ERICH3: variants seen among roughly 807,000 people sequenced by gnomAD.
ERICH3 encodes glutamate-rich protein 3.
A neutral mutation model predicts 131.1 loss-of-function variants in ERICH3; 126 were observed. That is an observed-to-expected ratio of 0.96 (90% CI 0.83 to 1.11). The LOEUF (loss-of-function observed/expected upper bound fraction) is 1.11, where lower values mean the gene tolerates loss of function less well. ERICH3 is among the 50% of genes most tolerant of loss of function. ERICH3 has a pLI of 0.00. For missense variants in ERICH3, 2,050 were observed against 1,810.7 expected, an observed-to-expected ratio of 1.13 and a Z score of -2.40; for synonymous variants, 695 against 644.6, an observed-to-expected ratio of 1.08 and a Z score of -1.18.
chr1:74,628,276 C>A (rs1003700658), intron 7 of ERICH3, among the ~76,000 whole-genome samples: 3 of 152,110 alleles, frequency 2.0e-5, no homozygotes, highest in Admixed American at 6.6e-5. Flanking sequence ...TGGGACTCAA[C>A]AAAGTTTCAC....
chr1:74,585,601 T>C (rs962266122), intron 12 of ERICH3, among the ~76,000 whole-genome samples: 1 of 152,168 alleles, frequency 6.6e-6, no homozygotes, highest in Admixed American at 6.5e-5. Context: ...ACAGATTTAT[T>C]TGTAACATAG....
rs1646763781 is a variant in ERICH3, at chr1:74,673,742, A to G, written c.-223T>C. Reference sequence around the variant, plus strand: ...TGGTATCCACAGCTTCCCTGTTGCTAAGGGAGGAGAGAGGCAAGCGCCCAG... The same window carrying G: ...TGGTATCCACAGCTTCCCTGTTGCTGAGGGAGGAGAGAGGCAAGCGCCCAG... On this transcript the variant is annotated 5_prime_UTR_variant, in exon 1 of 15. Coordinates refer to ENST00000326665, the MANE Select transcript of ERICH3 (RefSeq NM_001002912.5). 1 of 416,876 alleles carries G rather than the reference A, an allele frequency of 2.4e-6. No homozygotes were observed. Among genetic ancestry groups the G allele is most frequent in the Non-Finnish European group, 4.2e-6 (1 of 239,162 alleles). 25.8% of individuals were successfully genotyped at this position (416,876 alleles called of 1,614,324 possible).
intron 12 of ERICH3, among the ~76,000 whole-genome samples, chr1:74,584,498 A>G (rs1278346283): frequency 6.6e-6 from 1 of 152,120 alleles, no homozygotes; most frequent in Non-Finnish European, 1.5e-5. Flanking sequence ...GGGCCATTGC[A>G]CTTGCTGGAC....
chr1:74,671,865 G>A (rs972570810), intron 1 of ERICH3, among the ~76,000 whole-genome samples: 4 of 152,140 alleles, frequency 2.6e-5, no homozygotes, highest in African/African-American at 9.7e-5. Context: ...CTAAGTGAAG[G>A]GATCAGAGAA....
At chr1:74,628,716 C>A (rs1033184576) in intron 7 of ERICH3, among the ~76,000 whole-genome samples, 1 of 151,304 alleles carries the variant, frequency 6.6e-6, no homozygotes, top group African/African-American at 2.4e-5. Context: ...CACACACAGA[C>A]ACACTAAAGA....
At chr1:74,642,752 G>A (rs1252680006) in intron 4 of ERICH3, among the ~76,000 whole-genome samples, 1 of 151,968 alleles carries the variant, frequency 6.6e-6, no homozygotes, top group East Asian at 1.9e-4. Context: ...TCTATCACAA[G>A]AATATATAAA....
At chr1:74,619,197 C>G (rs1472642701) in intron 8 of ERICH3, among the ~76,000 whole-genome samples, 1 of 152,190 alleles carries the variant, frequency 6.6e-6, no homozygotes, top group East Asian at 1.9e-4. Context: ...CAAGTGACAC[C>G]CTTTTTCCCA....
At chr1:74,586,431 T>C (rs915667848) in intron 12 of ERICH3, 2 of 984,240 alleles carry the variant, frequency 2.0e-6, no homozygotes, top group South Asian at 9.4e-5. Context: ...CTATCCACCG[T>C]TATCCCTGGA....
intron 12 of ERICH3, among the ~76,000 whole-genome samples, chr1:74,585,052 T>G (rs964451231): frequency 1.3e-5 from 2 of 152,224 alleles, no homozygotes; most frequent in African/African-American, 4.8e-5. Flanking sequence ...AGAAAATGCT[T>G]ATTCCCATAT....
At chr1:74,594,313 G>C (rs181477821) in intron 11 of ERICH3, among the ~76,000 whole-genome samples, 1 of 143,020 alleles carries the variant, frequency 7.0e-6, no homozygotes, top group East Asian at 2.0e-4. Flanking sequence ...TGTATGCTTT[G>C]TATGCCAGCA....
At chr1:74,589,129 T>C (rs1301011083) in intron 12 of ERICH3, among the ~76,000 whole-genome samples, 2 of 152,118 alleles carry the variant, frequency 1.3e-5, no homozygotes, top group Admixed American at 1.3e-4. Context: ...AAAAAAGAGA[T>C]GATGATAATA....
chr1:74,579,976 T>TG lies in ERICH3; in HGVS notation c.2177-3041_2177-3040insC, dbSNP rs548530979. 1,406 of 772,688 alleles carry TG rather than the reference T, an allele frequency of 1.8e-3. 18 individuals carry two copies. The African/African-American group carries it at 0.024, about 13-fold the overall frequency. The allele number at this position is 772,688 out of a possible 1,614,324, so 47.9% of individuals were successfully genotyped here. A position where few individuals can be genotyped will look rare whatever the true frequency, so the allele number is the denominator to read the frequency against. On this transcript the variant is annotated intron_variant, in intron 12 of 14. Transcript: ENST00000326665. The stretch of plus-strand genomic sequence containing the variant: ...AGGTATTTTTTTAAATATCAAAATA[T>TG]TCTTATTTTACAATGTCAGCTTTTT...
chr1:74,607,882 A>G (rs1259974019), intron 9 of ERICH3, among the ~76,000 whole-genome samples: 1 of 151,848 alleles, frequency 6.6e-6, no homozygotes, highest in Non-Finnish European at 1.5e-5. Context: ...ATTATTGAGC[A>G]CTCTCTCTGT....
chr1:74,646,585 A>C (rs955568299), intron 3 of ERICH3, 82 bp downstream of exon 3: 6 of 864,194 alleles, frequency 6.9e-6, no homozygotes, highest in African/African-American at 5.4e-5. Context: ...CAAAGAAAAT[A>C]GTAAAGATTT....
At chr1:74,587,076 A>C (rs9725836) in intron 12 of ERICH3, among the ~76,000 whole-genome samples, 1,626 of 152,278 alleles carry the variant, frequency 0.011, 31 homozygotes, top group African/African-American at 0.037. Flanking sequence ...CTGTAATCCC[A>C]ACACTTTGGG....
chr1:74,660,874 C>A (rs1646635399), intron 1 of ERICH3, among the ~76,000 whole-genome samples: 1 of 151,692 alleles, frequency 6.6e-6, no homozygotes, highest in Non-Finnish European at 1.5e-5. Flanking sequence ...CTGAATCAAA[C>A]TTGGCAAATT....
At chr1:74,612,470 G>A (rs1239764806) in intron 9 of ERICH3, among the ~76,000 whole-genome samples, 153 bp downstream of exon 9, 4 of 152,070 alleles carry the variant, frequency 2.6e-5, no homozygotes, top group African/African-American at 4.8e-5. Context: ...AATTCAGCAC[G>A]CCATGTTACA....
intron 10 of ERICH3, among the ~76,000 whole-genome samples, chr1:74,605,928 T>C (rs1648366984): frequency 6.7e-6 from 1 of 148,588 alleles, no homozygotes; most frequent in South Asian, 2.1e-4. Flanking sequence ...TTGCAAAGCT[T>C]GCACAATAAA....
At chr1:74,627,790 C>G (rs781272371) in intron 7 of ERICH3, among the ~76,000 whole-genome samples, 5 of 151,826 alleles carry the variant, frequency 3.3e-5, no homozygotes, top group Admixed American at 6.6e-5. Context: ...TGAAGACAAA[C>G]TGTATAGCCT....
Sources: allele counts gnomAD v4.1 joint callset (sites outside exome capture counted in the v4.1 genomes callset), GRCh38; gene constraint gnomAD v4.1.1; transcripts MANE v1.5; gene names NCBI Gene and HGNC (gene_info 2026-07-23, HGNC 2026-07-21).